The following GPC6 variants were observed in gnomAD, a reference collection of about 807,000 sequenced individuals.
GPC6 encodes the protein glypican 6, also known as glypican-6.
In GPC6, 14 loss-of-function variants were observed where a neutral mutation model predicts 55.2. That is an observed-to-expected ratio of 0.25 (90% CI 0.17 to 0.40). The LOEUF is 0.40. Ranked by LOEUF, GPC6 falls within the 10% of genes least tolerant of loss-of-function variation. The probability of loss-of-function intolerance (pLI) is 1.00; values close to 1 mark genes in which losing one functional copy is unlikely to be tolerated. For missense variants in GPC6, 641 were observed against 708.5 expected (o/e 0.90, Z 1.08); for synonymous variants, 278 against 259.6 (o/e 1.07, Z -0.68).
At chr13:93,295,282 C>A in intron 1 of GPC6, among the ~76,000 whole-genome samples, 1 of 104,724 alleles carries the variant, frequency 9.5e-6, no homozygotes, top group Non-Finnish European at 1.8e-5. Flanking sequence ...TACAGGGAGA[C>A]CCTGTCTCAA....
chr13:93,951,631 A>G (rs1431788617), intron 3 of GPC6, among the ~76,000 whole-genome samples: 1 of 152,174 alleles, frequency 6.6e-6, no homozygotes, highest in Non-Finnish European at 1.5e-5. Flanking sequence ...CACCTTGGAT[A>G]AATTACCCAA....
intron 4 of GPC6, among the ~76,000 whole-genome samples, chr13:94,040,574 A>G (rs1883495823): frequency 6.6e-6 from 1 of 151,856 alleles, no homozygotes; most frequent in African/African-American, 2.4e-5. Flanking sequence ...TTGATTTGTA[A>G]CACAAGAAAA....
At chr13:93,942,541 C>T (rs1295516689) in intron 3 of GPC6, among the ~76,000 whole-genome samples, 1 of 152,156 alleles carries the variant, frequency 6.6e-6, no homozygotes, top group Non-Finnish European at 1.5e-5. Context: ...AGGTTGGTCT[C>T]AAACTCCTGG....
chr13:94,291,212 AG>A (rs1194820560), intron 5 of GPC6, among the ~76,000 whole-genome samples: 1 of 152,060 alleles, frequency 6.6e-6, no homozygotes, highest in African/African-American at 2.4e-5. Context: ...AAGAAAAGAA[AG>A]AAAAAAAAAA....
chr13:94,201,286 C>G (rs969266140), intron 4 of GPC6, among the ~76,000 whole-genome samples: 2 of 152,086 alleles, frequency 1.3e-5, no homozygotes, highest in Non-Finnish European at 2.9e-5. Context: ...AGAAATGAAT[C>G]ACCTCCTGAA....
chr13:93,867,760 C>T (rs922240011), intron 3 of GPC6, among the ~76,000 whole-genome samples: 3 of 151,662 alleles, frequency 2.0e-5, no homozygotes, highest in African/African-American at 7.3e-5. Context: ...TACCTAGCAC[C>T]ACAACTTTTA....
intron 2 of GPC6, among the ~76,000 whole-genome samples, chr13:93,659,548 A>G (rs1880830030): frequency 6.6e-6 from 1 of 151,958 alleles, no homozygotes; most frequent in Non-Finnish European, 1.5e-5. Context: ...AATTCCCTTA[A>G]TGGGATATTT....
At chr13:94,364,903 A>G (rs1037431178) in intron 6 of GPC6, among the ~76,000 whole-genome samples, 4 of 152,210 alleles carry the variant, frequency 2.6e-5, no homozygotes, top group African/African-American at 9.6e-5. Flanking sequence ...AAATAAGGGC[A>G]TGTCGAATTT....
chr13:94,389,132 C>T (rs527844861), intron 7 of GPC6, among the ~76,000 whole-genome samples: 1 of 152,232 alleles, frequency 6.6e-6, no homozygotes, highest in East Asian at 1.9e-4. Context: ...TGACTCCACT[C>T]AGACAAATAG....
chr13:94,174,694 T>C (rs1888686198), intron 4 of GPC6, among the ~76,000 whole-genome samples: 1 of 152,170 alleles, frequency 6.6e-6, no homozygotes, highest in African/African-American at 2.4e-5. Flanking sequence ...GTAAATGTCA[T>C]GTAAAGTAAA....
intron 1 of GPC6, among the ~76,000 whole-genome samples, chr13:93,490,015 G>C (rs1296359303): frequency 6.6e-6 from 1 of 150,402 alleles, no homozygotes; most frequent in Non-Finnish European, 1.5e-5. Context: ...TTGAATAGGA[G>C]TGGTGAGAGA....
intron 1 of GPC6, among the ~76,000 whole-genome samples, chr13:93,454,111 A>G (rs905665820): frequency 6.6e-6 from 1 of 152,140 alleles, no homozygotes; most frequent in Non-Finnish European, 1.5e-5. Flanking sequence ...CAGAGTAGCT[A>G]GATACAGAGT....
intron 2 of GPC6, among the ~76,000 whole-genome samples, chr13:93,571,571 A>G (rs934236990): frequency 1.3e-5 from 2 of 152,206 alleles, no homozygotes; most frequent in African/African-American, 4.8e-5. Flanking sequence ...ATCTGCATGA[A>G]GGAACTAAGA....
intron 2 of GPC6, among the ~76,000 whole-genome samples, chr13:93,767,737 C>A (rs919527351): frequency 6.6e-6 from 1 of 152,128 alleles, no homozygotes; most frequent in Non-Finnish European, 1.5e-5. Context: ...TAACCACCAT[C>A]TTAGTGTTTA....
intron 3 of GPC6, among the ~76,000 whole-genome samples, chr13:93,839,602 C>T (rs754215083): frequency 1.2e-4 from 19 of 152,252 alleles, no homozygotes; most frequent in East Asian, 1.9e-4. Context: ...GCAGTCACAT[C>T]GTCATCACTT....
At chr13:93,559,662 C>G (rs1029659673) in intron 2 of GPC6, among the ~76,000 whole-genome samples, 1 of 152,104 alleles carries the variant, frequency 6.6e-6, no homozygotes, top group Non-Finnish European at 1.5e-5. Context: ...ATTTATACAG[C>G]GTTTATTAAG....
chr13:94,277,657 A>C (rs558312618), intron 4 of GPC6, among the ~76,000 whole-genome samples: 2 of 152,292 alleles, frequency 1.3e-5, no homozygotes, highest in East Asian at 3.9e-4. Context: ...GTGGCTAGCC[A>C]GTTTTTCCAG....
intron 4 of GPC6, among the ~76,000 whole-genome samples, chr13:94,110,614 A>C (rs1886212935): frequency 6.6e-6 from 1 of 152,108 alleles, no homozygotes. Flanking sequence ...ATGTTAGGTG[A>C]GTGATCAAAT....
intron 2 of GPC6, among the ~76,000 whole-genome samples, chr13:93,627,968 GA>G (rs1482004863): frequency 6.6e-6 from 1 of 152,108 alleles, no homozygotes; most frequent in Non-Finnish European, 1.5e-5. Flanking sequence ...ATTCTAGGGA[GA>G]ACTAAGGTTT....
Sources: allele counts gnomAD v4.1 joint callset (sites outside exome capture counted in the v4.1 genomes callset), GRCh38; gene constraint gnomAD v4.1.1; transcripts MANE v1.5; gene names NCBI Gene and HGNC (gene_info 2026-07-23, HGNC 2026-07-21).